DTNA: variants seen among roughly 807,000 people sequenced by gnomAD.
The protein encoded by DTNA is dystrobrevin alpha, also known as dystrophin-related protein 3.
A neutral mutation model predicts 100.7 loss-of-function variants in DTNA; 43 were observed. The observed-to-expected ratio is 0.43, with a 90% CI of 0.33 to 0.55. The LOEUF (loss-of-function observed/expected upper bound fraction) is 0.55. Among genes scored for constraint, DTNA ranks in the 20% least tolerant of loss-of-function variants. The pLI is 0.04. For synonymous variants in DTNA, 349 were observed against 347.9 expected, an observed-to-expected ratio of 1.00 and a Z score of -0.04; for missense variants, 798 against 953.9, an observed-to-expected ratio of 0.84 and a Z score of 2.15.
At chr18:34,861,437 G>T (rs2096624421) in intron 16 of DTNA, among the ~76,000 whole-genome samples, 1 of 124,110 alleles carries the variant, frequency 8.1e-6, no homozygotes, top group Admixed American at 1.1e-4. Flanking sequence ...AGTGAGCCGA[G>T]ATCACGCCAC....
chr18:34,876,029 TTA>T (rs1183779466), intron 18 of DTNA, among the ~76,000 whole-genome samples: 1 of 152,182 alleles, frequency 6.6e-6, no homozygotes, highest in Non-Finnish European at 1.5e-5. Context: ...CTTTTTAAAT[TTA>T]TAGAGAATAA....
chr18:34,739,551 A>G (rs1311433510), intron 1 of DTNA, among the ~76,000 whole-genome samples: 3 of 152,192 alleles, frequency 2.0e-5, no homozygotes, highest in African/African-American at 7.2e-5. Flanking sequence ...TGTAATTATG[A>G]CAATCACTTG....
At chr18:34,604,480 A>G (rs936275103) in intron 1 of DTNA, among the ~76,000 whole-genome samples, 8 of 152,188 alleles carry the variant, frequency 5.3e-5, no homozygotes, top group Non-Finnish European at 1.2e-4. Flanking sequence ...AAAATTTTAT[A>G]GCAAGAGGAT....
chr18:34,595,259 G>T (rs2050357295), intron 1 of DTNA, among the ~76,000 whole-genome samples: 1 of 152,122 alleles, frequency 6.6e-6, no homozygotes, highest in African/African-American at 2.4e-5. Flanking sequence ...ATACACTCAG[G>T]TACACACAGT....
chr18:34,517,318 A>G (rs566578630), intron 1 of DTNA, among the ~76,000 whole-genome samples: 11 of 152,180 alleles, frequency 7.2e-5, no homozygotes, highest in Non-Finnish European at 1.2e-4. Context: ...AGTTGCAGTA[A>G]ATAATACAGA....
intron 11 of DTNA, among the ~76,000 whole-genome samples, chr18:34,829,973 GTCTGAT>G (rs2095964512): frequency 6.6e-6 from 1 of 152,324 alleles, no homozygotes; most frequent in South Asian, 2.1e-4. Flanking sequence ...AGGGAGGGAA[GTCTGAT>G]TCCTAATGAA....
chr18:34,890,242 T>G lies in DTNA; in HGVS notation c.*2508T>G. On this transcript the variant is annotated 3_prime_UTR_variant, in exon 23 of 23. Coordinates refer to ENST00000444659, the MANE Select transcript of DTNA (RefSeq NM_001386795.1). Reference sequence around the variant, plus strand: ...TCATATAAAGCCATTGCAAGGACTCTGGAAACTGCCGCCAATGACCAATTT... The same window carrying G: ...TCATATAAAGCCATTGCAAGGACTCGGGAAACTGCCGCCAATGACCAATTT... 1 of 1,510,304 alleles carries G rather than the reference T, an allele frequency of 6.6e-7. No individual in the cohort carries two copies. Among genetic ancestry groups the G allele is most frequent in the South Asian group, 1.3e-5 (1 of 79,496 alleles). The allele number at this position is 1,510,304 out of a possible 1,614,324, so 93.6% of individuals were successfully genotyped here.
chr18:34,798,367 C>T (rs528472108), intron 4 of DTNA, among the ~76,000 whole-genome samples: 3 of 152,182 alleles, frequency 2.0e-5, no homozygotes, highest in East Asian at 3.9e-4. Context: ...CAAAGACTAG[C>T]GGGTCCCAGT....
In DTNA at chr18:34,768,233, A is replaced by T. The variant is rs552962514; in HGVS notation, c.148+2192A>T. ...TCCTCCTTAGAGCTTTGCCAAGCGG[A>T]GCCTTCCTTAGGCTCCTTTCAGGAG... is the stretch of plus-strand genomic sequence containing the variant. On this transcript the variant is annotated intron_variant, in intron 3 of 22. Coordinates refer to ENST00000444659, the MANE Select transcript of DTNA (RefSeq NM_001386795.1). Among the ~76,000 whole-genome samples, 9 of 152,306 alleles carry T rather than the reference A, an allele frequency of 5.9e-5. 1 individual carries two copies. The South Asian group carries it at 1.9e-3, about 32-fold the overall frequency.
intron 1 of DTNA, among the ~76,000 whole-genome samples, chr18:34,666,375 T>C (rs1463892176): frequency 3.3e-5 from 5 of 149,894 alleles, no homozygotes; most frequent in South Asian, 4.2e-4. Flanking sequence ...GTAGGTTGCC[T>C]GTTCACTCTG....
intron 1 of DTNA, among the ~76,000 whole-genome samples, chr18:34,651,701 G>A (rs2060463518): frequency 6.6e-6 from 1 of 152,144 alleles, no homozygotes; most frequent in Non-Finnish European, 1.5e-5. Flanking sequence ...AGAATCAATG[G>A]GAGAACACAG....
chr18:34,547,962 A>G (rs2044982691), intron 1 of DTNA, among the ~76,000 whole-genome samples: 1 of 152,188 alleles, frequency 6.6e-6, no homozygotes, highest in Non-Finnish European at 1.5e-5. Flanking sequence ...AGATAAATCT[A>G]AAATAAATAA....
At chr18:34,721,493 A>G (rs2085304377) in intron 1 of DTNA, among the ~76,000 whole-genome samples, 1 of 152,194 alleles carries the variant, frequency 6.6e-6, no homozygotes, top group South Asian at 2.1e-4. Flanking sequence ...AACTCCCAAC[A>G]TGGGAAACTA....
chr18:34,591,858 G>A (rs956836330), intron 1 of DTNA, among the ~76,000 whole-genome samples: 4 of 151,924 alleles, frequency 2.6e-5, no homozygotes, highest in Admixed American at 1.3e-4. Flanking sequence ...ATCTATATGG[G>A]GCATCAAAAT....
intron 1 of DTNA, among the ~76,000 whole-genome samples, chr18:34,691,214 T>C (rs1323771101): frequency 6.6e-6 from 1 of 152,238 alleles, no homozygotes; most frequent in East Asian, 1.9e-4. Context: ...AATTACTTCT[T>C]TTCTGTATTC....
intron 14 of DTNA, among the ~76,000 whole-genome samples, chr18:34,850,189 C>T (rs772938852): frequency 1.4e-4 from 22 of 152,122 alleles, no homozygotes; most frequent in Non-Finnish European, 2.6e-4. Context: ...GGAGATAGAA[C>T]GGTCATTTAG....
intron 1 of DTNA, among the ~76,000 whole-genome samples, chr18:34,588,124 C>T (rs965064778): frequency 3.3e-5 from 5 of 152,122 alleles, no homozygotes; most frequent in Non-Finnish European, 5.9e-5. Flanking sequence ...ACCAACTTTT[C>T]AAAAATGTTT....
At chr18:34,624,415 C>A (rs2057017121) in intron 1 of DTNA, among the ~76,000 whole-genome samples, 1 of 152,082 alleles carries the variant, frequency 6.6e-6, no homozygotes, top group Non-Finnish European at 1.5e-5. Flanking sequence ...TAGCAACTGC[C>A]CCTTAAGTAA....
chr18:34,654,371 A>G (rs560162230), intron 1 of DTNA, among the ~76,000 whole-genome samples: 26 of 152,322 alleles, frequency 1.7e-4, no homozygotes, highest in Non-Finnish European at 3.2e-4. Context: ...GGTACAATAC[A>G]TTCATTATCT....
Sources: allele counts gnomAD v4.1 joint callset (sites outside exome capture counted in the v4.1 genomes callset), GRCh38; gene constraint gnomAD v4.1.1; transcripts MANE v1.5; gene names NCBI Gene and HGNC (gene_info 2026-07-23, HGNC 2026-07-21).